ACTR3: variants seen among roughly 807,000 people sequenced by gnomAD.
ACTR3 encodes actin-related protein 3.
In ACTR3, 12 loss-of-function variants were observed where a neutral mutation model predicts 56.8. That is an observed-to-expected ratio of 0.21 (90% CI 0.14 to 0.34). The LOEUF (loss-of-function observed/expected upper bound fraction) is 0.34. Ranked by LOEUF, ACTR3 falls within the 10% of genes least tolerant of loss-of-function variation. ACTR3 has a pLI of 1.00. For missense variants in ACTR3, 282 were observed against 512.5 expected (o/e 0.55, Z 4.34); for synonymous variants, 162 against 167.4 (o/e 0.97, Z 0.25).
In ACTR3 at chr2:113,957,439, T is replaced by C; in HGVS notation, c.1241T>C (p.Phe414Ser). The C allele has an allele frequency of 6.2e-7, 1 of 1,613,104 alleles. No homozygotes were observed. The highest frequency in any genetic ancestry group is 8.5e-7 in the Non-Finnish European group (1 of 1,179,360). The change falls in exon 12 of 12, where the codon TTT becomes TCT. Residue 414 changes from phenylalanine (F) to serine (S), a missense_variant. Transcript: ENST00000263238. The part of the protein sequence containing the change: ...GPSICRHNPV[F>S]GVMS The stretch of plus-strand genomic sequence containing the variant: ...AGCATTTGTCGTCACAATCCAGTGT[T>C]TGGAGTCATGTCGTAAAATTGGCTT...
intron 3 of ACTR3, among the ~76,000 whole-genome samples, 172 bp downstream of exon 3, chr2:113,917,180 C>CT (rs1046217604): frequency 2.7e-5 from 4 of 148,406 alleles, no homozygotes; most frequent in Non-Finnish European, 6.0e-5. Flanking sequence ...TTTTTTTTTT[C>CT]TTTTTTTTAA....
intron 8 of ACTR3, chr2:113,951,214 G>C (rs555425387): frequency 7.1e-6 from 2 of 281,050 alleles, no homozygotes; most frequent in South Asian, 5.9e-5. Flanking sequence ...TTATATGAAA[G>C]TTTCCATTTA....
chr2:113,947,090 C>T (rs13387748), intron 8 of ACTR3, among the ~76,000 whole-genome samples: 4,031 of 152,118 alleles, frequency 0.026, 144 homozygotes, highest in African/African-American at 0.076. Context: ...TTGTATGGGC[C>T]ATTTATATGT....
In ACTR3 at chr2:113,918,989, C is replaced by T. The variant is rs561319352; in HGVS notation, c.225+1981C>T. ...TTTTATTGTGGAAAACTTCACATGT[C>T]AAAGAACAGAAAATAATATAATGAA... is the stretch of plus-strand genomic sequence containing the variant. On this transcript the variant is annotated intron_variant, in intron 3 of 11. Coordinates refer to ENST00000263238, the MANE Select transcript of ACTR3 (RefSeq NM_005721.5). Among the ~76,000 whole-genome samples, 7 of 152,114 alleles carry T rather than the reference C, an allele frequency of 4.6e-5. No homozygotes were observed. In the East Asian group the frequency reaches 1.3e-3, roughly 29 times the overall value.
chr2:113,934,153 C>T, intron 5 of ACTR3, 126 bp from the exon 6 acceptor site: 1 of 640,806 alleles, frequency 1.6e-6, no homozygotes, highest in Non-Finnish European at 2.7e-6. Context: ...ATTTTCTTTC[C>T]ACAGATACTA....
At chr2:113,931,178 CTTGTAAATTTAATGCA>C (rs1679717482) in intron 4 of ACTR3, 107 bp from the exon 5 acceptor site, 2 of 565,270 alleles carry the variant, frequency 3.5e-6, no homozygotes, top group Admixed American at 3.8e-5. Flanking sequence ...TGTCTTTCTA[CTTGTAAATTTAATGCA>C]TTTTAAATAA....
rs1162808661 is a variant in ACTR3, at chr2:113,911,466, C to G, written c.45-1706C>G. Among the ~76,000 whole-genome samples, 5 of 141,328 alleles carry G rather than the reference C, an allele frequency of 3.5e-5. No individual in the cohort carries two copies. The Admixed American group carries it at 3.7e-4, about 10-fold the overall frequency. The allele number at this position is 141,328 out of a possible 152,430, so 92.7% of individuals were successfully genotyped here. A position where few individuals can be genotyped will look rare whatever the true frequency, so the allele number is the denominator to read the frequency against. On this transcript the variant is annotated intron_variant, in intron 1 of 11. Coordinates refer to ENST00000263238, the MANE Select transcript of ACTR3 (RefSeq NM_005721.5). ...ACGAAGTCTTGCTTTATCACCCAGG[C>G]TGGAATACAGTGGCATGATATTGCC...
rs112077407 is a variant in ACTR3 at position 113,949,476 on chromosome 2, GTC to G, written c.859-1998_859-1997del. The stretch of plus-strand genomic sequence containing the variant: ...TCAGTTTAATAAATAAAGGAATAAT[GTC>G]TCTCAACTAGGACAACCTAATGATA... On this transcript the variant is annotated intron_variant, in intron 8 of 11. Coordinates refer to ENST00000263238, the MANE Select transcript of ACTR3 (RefSeq NM_005721.5). Among the ~76,000 whole-genome samples the G allele has an allele frequency of 0.024, 3,661 of 150,642 alleles. 212 individuals carry two copies. The East Asian group carries it at 0.26, about 11-fold the overall frequency.
At chr2:113,942,576 CTT>C (rs1437319856) in intron 8 of ACTR3, among the ~76,000 whole-genome samples, 1 of 151,806 alleles carries the variant, frequency 6.6e-6, no homozygotes, top group Admixed American at 6.6e-5. Flanking sequence ...TTAGAAAAAA[CTT>C]TTTAAAAAAT....
chr2:113,900,144 T>C (rs555455814), intron 1 of ACTR3, among the ~76,000 whole-genome samples: 35 of 152,316 alleles, frequency 2.3e-4, no homozygotes, highest in Non-Finnish European at 3.4e-4. Flanking sequence ...TGAGTAGTTT[T>C]TAGTATAGTC....
chr2:113,927,173 A>T (rs540454081), intron 3 of ACTR3, among the ~76,000 whole-genome samples, 172 bp from the exon 4 acceptor site: 1 of 152,278 alleles, frequency 6.6e-6, no homozygotes, highest in African/African-American at 2.4e-5. Flanking sequence ...TATTGAACTA[A>T]TTTATCTTTA....
chr2:113,948,146 T>G (rs1326193389), intron 8 of ACTR3, among the ~76,000 whole-genome samples: 1 of 152,190 alleles, frequency 6.6e-6, no homozygotes, highest in African/African-American at 2.4e-5. Flanking sequence ...CTTCAAATTT[T>G]TTTTCAGTGT....
At chr2:113,898,886 TAATC>T (rs1347955016) in intron 1 of ACTR3, among the ~76,000 whole-genome samples, 1 of 152,186 alleles carries the variant, frequency 6.6e-6, no homozygotes, top group African/African-American at 2.4e-5. Flanking sequence ...CTGTTATAAA[TAATC>T]CCATTTCAAA....
intron 2 of ACTR3, 113 bp from the exon 3 acceptor site, chr2:113,916,771 A>G (rs541504265): frequency 1.2e-6 from 1 of 819,310 alleles, no homozygotes; most frequent in South Asian, 4.4e-5. Flanking sequence ...GACAATTTAA[A>G]TAGGCTAGGT....
chr2:113,953,617 G>A (rs1214639191), intron 10 of ACTR3: 1 of 151,964 alleles, frequency 6.6e-6, no homozygotes, highest in East Asian at 1.9e-4. Context: ...CCTTCAGTCT[G>A]TAATTTTTAA....
At position 113,951,826 on chromosome 2, in the gene ACTR3, T is replaced by G. The variant is rs1175283371; in HGVS notation, c.1058T>G (p.Leu353Trp). Residue 353 changes from leucine to tryptophan, a missense_variant, in exon 10 of 12, where the codon TTG (leucine) becomes TGG (tryptophan). Leu to Trp is a moderately conservative substitution (Grantham distance 61). Transcript: ENST00000263238. ...GCCCGGCTGAAATTAAGTGAGGAAT[T>G]GAGTGGTGGTAGATTGAAGGTTGGT... ...VDARLKLSEE[L>W]SGGRLKPKPI... The G allele has an allele frequency of 9.9e-6, 16 of 1,613,228 alleles. No homozygotes were observed. The highest frequency in any genetic ancestry group is 1.3e-5 in the African/African-American group (1 of 74,910).
Position 113,931,287 on chromosome 2 carries a change from A to T in ACTR3, c.337-14A>T. The stretch of plus-strand genomic sequence containing the variant: ...TCTGATATTATCTATTTAAAATGTT[A>T]TTTATTTCAATAGACTGAACCTCCA... On this transcript the variant is annotated splice_polypyrimidine_tract_variant and intron_variant, in intron 4 of 11. Transcript: ENST00000263238. The T allele has an allele frequency of 6.8e-7, 1 of 1,460,994 alleles. No individual in the cohort carries two copies. The highest frequency in any genetic ancestry group is 9.3e-7 in the Non-Finnish European group (1 of 1,077,168). 90.5% of individuals were successfully genotyped at this position (1,460,994 alleles called of 1,614,324 possible).
chr2:113,944,279 G>A (rs1029684051), intron 8 of ACTR3, among the ~76,000 whole-genome samples: 5 of 152,034 alleles, frequency 3.3e-5, no homozygotes, highest in Non-Finnish European at 5.9e-5. Flanking sequence ...GACAGTGGAC[G>A]AGTAAGAATT....
chr2:113,962,332 T>C lies in ACTR3; in HGVS notation c.*4877T>C, dbSNP rs1296255462. 6.6e-6 allele frequency: 1 copy of C among 151,974 alleles called. No homozygotes were observed. The highest frequency in any genetic ancestry group is 1.9e-4 in the East Asian group (1 of 5,196). 9.4% of individuals were successfully genotyped at this position (151,974 alleles called of 1,614,324 possible). A position where few individuals can be genotyped will look rare whatever the true frequency, so the allele number is the denominator to read the frequency against. On this transcript the variant is annotated 3_prime_UTR_variant, in exon 12 of 12. Coordinates refer to ENST00000263238, the MANE Select transcript of ACTR3 (RefSeq NM_005721.5). ...AAATCAGATTGTTGTACAAGGTAAT[T>C]GACATGTCCTGAAATGTAACATTCA... is the stretch of plus-strand genomic sequence containing the variant.
Sources: gnomAD v4.1 joint callset for allele counts (sites outside exome capture counted in the v4.1 genomes callset) on GRCh38, gnomAD v4.1.1 for gene constraint, MANE v1.5 for transcripts, NCBI Gene and HGNC (gene_info 2026-07-23, HGNC 2026-07-21) for gene names.